Variants in DSN1 observed in about 807,000 individuals in gnomAD.
DSN1 encodes kinetochore-associated protein DSN1 homolog.
A neutral mutation model predicts 45.7 loss-of-function variants in DSN1; 31 were observed. That is an observed-to-expected ratio of 0.68 (90% confidence interval 0.51 to 0.92). The LOEUF (loss-of-function observed/expected upper bound fraction) is 0.92, where lower values mean the gene tolerates loss of function less well. Among genes scored for constraint, DSN1 ranks in the 40% least tolerant of loss-of-function variants. The pLI is 0.00. For missense variants in DSN1, 394 were observed against 414.2 expected (o/e 0.95, Z 0.42); for synonymous variants, 134 against 142.3 (o/e 0.94, Z 0.41).
In DSN1 at chr20:36,773,418, T is replaced by C. The variant is rs1361972185; in HGVS notation, c.-16+244A>G. The stretch of plus-strand genomic sequence containing the variant: ...CCCCTGTTTCTGGAGCCTAGACCCC[T>C]GGCACGGCAGATACGTCTCTAATGG... On this transcript the variant is annotated intron_variant, in intron 1 of 10. Coordinates refer to ENST00000373750, the MANE Select transcript of DSN1 (RefSeq NM_001145315.2). The C allele has an allele frequency of 3.0e-6, 3 of 985,364 alleles. No homozygotes were observed. In the South Asian group the frequency reaches 1.4e-4, roughly 46 times the overall value. The allele number at this position is 985,364 out of a possible 1,614,324, so 61.0% of individuals were successfully genotyped here.
At chr20:36,764,710 CAA>C (rs1205310679) in intron 5 of DSN1, among the ~76,000 whole-genome samples, 2 of 152,060 alleles carry the variant, frequency 1.3e-5, no homozygotes, top group African/African-American at 4.8e-5. Context: ...CACCTGAGGT[CAA>C]GAGTTTGAGA....
At chr20:36,757,965 T>G in intron 8 of DSN1, 122 bp downstream of exon 8, 1 of 917,836 alleles carries the variant, frequency 1.1e-6, no homozygotes, top group Non-Finnish European at 1.7e-6. Context: ...ACTACAGAAT[T>G]TGATGAGCTT....
rs1330061794 is a variant in DSN1 at position 36,758,597 on chromosome 20, A to G, written c.611T>C (p.Leu204Ser). The change falls in exon 7 of 11, where the codon TTG (leucine) becomes TCG (serine). Residue 204 changes from leucine to serine, a missense_variant. Physicochemically the swap from Leu to Ser is moderately radical, Grantham distance 145 (BLOSUM62 -2). Transcript: ENST00000373750. ...CTTCATCTCAGCCACAGATGCTTCC[A>G]AAGAAAAATCTGATGCTTTTCTGGA... ...DSNGKASDFS[L>S]EASVAEMKEY... The G allele has an allele frequency of 3.7e-6, 6 of 1,611,670 alleles. No individual in the cohort carries two copies. The highest frequency in any genetic ancestry group is 5.1e-6 in the Non-Finnish European group (6 of 1,179,546).
At chr20:36,773,245 C>G (rs1029585378) in intron 1 of DSN1, 23 of 439,638 alleles carry the variant, frequency 5.2e-5, no homozygotes, top group African/African-American at 4.3e-4. Context: ...CACTTAATCC[C>G]TTCCACAACT....
intron 5 of DSN1, among the ~76,000 whole-genome samples, chr20:36,766,357 T>A (rs117271223): frequency 6.6e-6 from 1 of 151,972 alleles, no homozygotes; most frequent in East Asian, 1.9e-4. Flanking sequence ...TTCATAAGCA[T>A]GTATTCTTGC....
intron 10 of DSN1, among the ~76,000 whole-genome samples, 194 bp from the exon 11 acceptor site, chr20:36,753,091 C>A (rs1018960815): frequency 1.3e-5 from 2 of 152,012 alleles, no homozygotes; most frequent in African/African-American, 2.4e-5. Flanking sequence ...CGCCTGTAAT[C>A]CCAGCACTTT....
chr20:36,755,534 T>G (rs1174245344), intron 9 of DSN1, 148 bp downstream of exon 9: 3 of 948,368 alleles, frequency 3.2e-6, no homozygotes. Flanking sequence ...GTTTATTATT[T>G]TTTAATTGTC....
chr20:36,768,823 A>G (rs1411929315), intron 3 of DSN1, among the ~76,000 whole-genome samples: 1 of 152,216 alleles, frequency 6.6e-6, no homozygotes, highest in African/African-American at 2.4e-5. Context: ...TGAGGCCAGA[A>G]ACTGGAAATC....
At chr20:36,755,180 C>CT (rs2148257033) in intron 9 of DSN1, among the ~76,000 whole-genome samples, 1 of 152,276 alleles carries the variant, frequency 6.6e-6, no homozygotes, top group East Asian at 1.9e-4. Context: ...TCCCTCCTCC[C>CT]TTTGAGTCCT....
intron 6 of DSN1, among the ~76,000 whole-genome samples, chr20:36,762,030 A>C (rs920646526): frequency 6.6e-6 from 1 of 151,980 alleles, no homozygotes; most frequent in Admixed American, 6.6e-5. Flanking sequence ...AAATAAATAA[A>C]AAGAGAAGAT....
intron 1 of DSN1, among the ~76,000 whole-genome samples, chr20:36,772,888 T>A (rs983256575): frequency 1.3e-5 from 2 of 152,256 alleles, no homozygotes; most frequent in African/African-American, 4.8e-5. Flanking sequence ...CCAGGCTGTA[T>A]TTGTATTCCT....
intron 9 of DSN1, 120 bp from the exon 10 acceptor site, chr20:36,754,970 C>T: frequency 1.3e-6 from 1 of 760,364 alleles, no homozygotes; most frequent in African/African-American, 1.7e-5. Context: ...GCCTGGAATG[C>T]TTATGCCAGA....
rs1469407759 is a variant in DSN1, at chr20:36,754,818, C to T, written c.906G>A (p.Leu302=). ...MDELQGSVKQ[L]QAFMDESTQC... is the part of the protein sequence containing the mutation. The stretch of plus-strand genomic sequence containing the variant: ...GGGTACTTTCATCCATAAAGGCCTG[C>T]AGCTGTTTCACTGATCCTTGCAGTT... The change falls in exon 10 of 11, where the codon CTG becomes CTA. Residue 302 remains leucine (L), a synonymous_variant. Transcript: ENST00000373750. 3.1e-6 allele frequency: 5 copies of T among 1,613,790 alleles called. No homozygotes were observed. Among genetic ancestry groups the T allele is most frequent in the East Asian group, 2.2e-5 (1 of 44,886 alleles).
chr20:36,770,853 T>C lies in DSN1; in HGVS notation c.355+20A>G. On this transcript the variant is annotated intron_variant, in intron 3 of 10. Transcript: ENST00000373750. The stretch of plus-strand genomic sequence containing the variant: ...TTATCTGAGCTGGAACCTCACTGTC[T>C]TGTGTACACAGCACCCCACCTGTGA... 6.3e-7 allele frequency: 1 copy of C among 1,592,640 alleles called. No homozygotes were observed. The highest frequency in any genetic ancestry group is 8.5e-7 in the Non-Finnish European group (1 of 1,171,606).
At chr20:36,772,227 A>C (rs1987687147) in intron 1 of DSN1, among the ~76,000 whole-genome samples, 1 of 151,346 alleles carries the variant, frequency 6.6e-6, no homozygotes, top group South Asian at 2.1e-4. Flanking sequence ...GGTCCCTCCC[A>C]CTATCTTAAT....
At chr20:36,757,396 T>C (rs917574005) in intron 8 of DSN1, among the ~76,000 whole-genome samples, 8 of 151,880 alleles carry the variant, frequency 5.3e-5, no homozygotes, top group South Asian at 2.1e-4. Context: ...CTGGCCAACA[T>C]GGTGAAATCC....
chr20:36,770,244 A>G (rs1987574610), intron 3 of DSN1, among the ~76,000 whole-genome samples: 1 of 151,914 alleles, frequency 6.6e-6, no homozygotes, highest in Non-Finnish European at 1.5e-5. Context: ...TTTTTTAAAA[A>G]CTTTTTGTAG....
intron 6 of DSN1, among the ~76,000 whole-genome samples, chr20:36,762,122 T>TTTG (rs1987021716): frequency 1.4e-5 from 2 of 138,248 alleles, no homozygotes; most frequent in African/African-American, 6.1e-5. Context: ...TTTTTTTTTT[T>TTTG]GTGAGACAGA....
At chr20:36,754,891 C>G in intron 9 of DSN1, 41 bp from the exon 10 acceptor site, 1 of 1,562,988 alleles carries the variant, frequency 6.4e-7, no homozygotes, top group Middle Eastern at 1.7e-4. Context: ...AGGTCCATGG[C>G]TTCTTGGATG....
Sources: gnomAD v4.1 joint callset for allele counts (sites outside exome capture counted in the v4.1 genomes callset) on GRCh38, gnomAD v4.1.1 for gene constraint, MANE v1.5 for transcripts, NCBI Gene and HGNC (gene_info 2026-07-23, HGNC 2026-07-21) for gene names.